PARD3B: variants seen among roughly 807,000 people sequenced by gnomAD.
The protein encoded by PARD3B is par-3 family cell polarity regulator beta.
In PARD3B, 103 loss-of-function variants were observed where a neutral mutation model predicts 130.2. That is an observed-to-expected ratio of 0.79 (90% confidence interval 0.67 to 0.93). The LOEUF is 0.93. PARD3B is among the 40% of genes least tolerant of loss of function. The pLI is 0.00. For synonymous variants in PARD3B, 583 were observed against 553.2 expected, an observed-to-expected ratio of 1.05 and a Z score of -0.76; for missense variants, 1,609 against 1,499.2, an observed-to-expected ratio of 1.07 and a Z score of -1.21.
intron 16 of PARD3B, among the ~76,000 whole-genome samples, chr2:205,251,682 T>TA: frequency 6.6e-6 from 1 of 152,302 alleles, no homozygotes. Context: ...TATGGCCATT[T>TA]AAAAAATATT....
At position 205,301,410 on chromosome 2, in the gene PARD3B, TACTA is replaced by T. The variant is rs199994627; in HGVS notation, c.2393-50_2393-47del. ...TTTTACATGTTAGCGTTTCTCTGTA[TACTA>T]ACTGAGTGTGCCCCTGACCATGGGT... On this transcript the variant is annotated intron_variant, in intron 17 of 22. Coordinates refer to ENST00000406610, the MANE Select transcript of PARD3B (RefSeq NM_001302769.2). The surrounding 1 kb of genome is among the most constrained non-coding windows in gnomAD (Gnocchi z 5.2). The T allele has an allele frequency of 3.5e-4, 541 of 1,567,764 alleles. 7 individuals carry two copies. The East Asian group carries it at 9.5e-3, about 27-fold the overall frequency.
chr2:204,693,304 G>A (rs776024995), intron 2 of PARD3B, among the ~76,000 whole-genome samples: 10 of 151,886 alleles, frequency 6.6e-5, no homozygotes, highest in South Asian at 2.1e-4. Flanking sequence ...GAAATTGGTC[G>A]TCTTGTTTTT....
chr2:205,532,509 C>T (rs1400424060), intron 21 of PARD3B, among the ~76,000 whole-genome samples: 1 of 152,180 alleles, frequency 6.6e-6, no homozygotes, highest in Non-Finnish European at 1.5e-5. Flanking sequence ...TTCAGAGTTG[C>T]TGGAGTGGCA....
At chr2:204,711,129 A>G (rs534623172) in intron 2 of PARD3B, among the ~76,000 whole-genome samples, 1 of 152,344 alleles carries the variant, frequency 6.6e-6, no homozygotes, top group South Asian at 2.1e-4. Flanking sequence ...TTCCTTTAAG[A>G]CTAAAAATTA....
At chr2:205,587,166 T>C (rs1045333554) in intron 22 of PARD3B, among the ~76,000 whole-genome samples, 7 of 152,204 alleles carry the variant, frequency 4.6e-5, no homozygotes, top group African/African-American at 1.4e-4. Flanking sequence ...ATAGAAATCA[T>C]AGGTCTCAAA....
At chr2:204,857,186 A>G (rs960536070) in intron 2 of PARD3B, among the ~76,000 whole-genome samples, 4 of 152,190 alleles carry the variant, frequency 2.6e-5, no homozygotes, top group African/African-American at 9.6e-5. Context: ...AACTTTGAGC[A>G]TCTTTTTTCA....
intron 18 of PARD3B, among the ~76,000 whole-genome samples, chr2:205,388,566 T>G (rs1226496354): frequency 6.6e-6 from 1 of 152,216 alleles, no homozygotes; most frequent in African/African-American, 2.4e-5. Flanking sequence ...GAATTACAGG[T>G]GATTAGAAAA....
At chr2:204,704,527 C>T (rs369243372) in intron 2 of PARD3B, among the ~76,000 whole-genome samples, 114 of 152,194 alleles carry the variant, frequency 7.5e-4, no homozygotes, top group African/African-American at 2.6e-3. Flanking sequence ...GATCATCAAA[C>T]AGTTAAAGGT....
chr2:205,396,000 A>G (rs761911740), intron 18 of PARD3B, among the ~76,000 whole-genome samples: 1 of 152,042 alleles, frequency 6.6e-6, no homozygotes, highest in Non-Finnish European at 1.5e-5. Context: ...TTCCATCTGC[A>G]TCCTGGCGGA....
chr2:204,563,263 CTCTT>C lies in PARD3B; in HGVS notation c.120+17148_120+17151del, dbSNP rs202056756. On this transcript the variant is annotated intron_variant, in intron 1 of 22. Transcript: ENST00000406610. Reference sequence around the variant, plus strand: ...TCTCTCTCTCTCTCTCTCTCTCTCTCTCTTTCTCTCTTCTCCCTTTATAAGGACA... The same window carrying C: ...TCTCTCTCTCTCTCTCTCTCTCTCTCTCTCTCTTCTCCCTTTATAAGGACA... 1.8e-3 allele frequency among the ~76,000 whole-genome samples: 252 copies of C among 139,464 alleles called. 3 individuals carry two copies. Among genetic ancestry groups the C allele is most frequent in the African/African-American group, 5.4e-3 (204 of 37,992 alleles). 91.5% of individuals were successfully genotyped at this position (139,464 alleles called of 152,430 possible).
chr2:205,370,512 G>A (rs2044771584), intron 18 of PARD3B, among the ~76,000 whole-genome samples: 1 of 152,134 alleles, frequency 6.6e-6, no homozygotes, highest in East Asian at 1.9e-4. Context: ...GAGGAAGGCA[G>A]GGATGGCCTG....
chr2:205,162,355 G>A (rs552468101), intron 11 of PARD3B, among the ~76,000 whole-genome samples: 18 of 152,214 alleles, frequency 1.2e-4, no homozygotes, highest in Non-Finnish European at 2.5e-4. Context: ...GTCATACGGA[G>A]CTCTTCATAG....
At chr2:205,104,109 A>G (rs1483454685) in intron 4 of PARD3B, among the ~76,000 whole-genome samples, 1 of 152,118 alleles carries the variant, frequency 6.6e-6, no homozygotes, top group Non-Finnish European at 1.5e-5. Flanking sequence ...CCCCTTTGGT[A>G]TTCTTTTCCT....
chr2:205,582,853 G>A (rs1190460830), intron 22 of PARD3B, among the ~76,000 whole-genome samples: 1 of 152,054 alleles, frequency 6.6e-6, no homozygotes, highest in Non-Finnish European at 1.5e-5. Context: ...AAAAAAAGAA[G>A]GGATGAGGAA....
intron 2 of PARD3B, among the ~76,000 whole-genome samples, chr2:204,790,596 C>T (rs183429433): frequency 6.6e-6 from 1 of 152,262 alleles, no homozygotes; most frequent in Admixed American, 6.5e-5. Flanking sequence ...CACCTGTTCC[C>T]AAAAGCACCA....
intron 3 of PARD3B, among the ~76,000 whole-genome samples, chr2:205,006,773 T>G (rs977790168): frequency 6.6e-6 from 1 of 152,212 alleles, no homozygotes; most frequent in Admixed American, 6.5e-5. Flanking sequence ...GTCTGTTTAC[T>G]CTGCTGATTG....
At chr2:204,996,756 G>A (rs1431347702) in intron 3 of PARD3B, among the ~76,000 whole-genome samples, 4 of 149,416 alleles carry the variant, frequency 2.7e-5, no homozygotes, top group African/African-American at 9.8e-5. Flanking sequence ...AGGACCCTCC[G>A]AGCCAGGTGT....
intron 2 of PARD3B, among the ~76,000 whole-genome samples, chr2:204,740,402 T>C (rs2039960959): frequency 6.6e-6 from 1 of 152,196 alleles, no homozygotes; most frequent in Non-Finnish European, 1.5e-5. Flanking sequence ...ACTTTATTGC[T>C]AGCATGCTTC....
At chr2:204,634,420 C>A (rs756963526) in intron 1 of PARD3B, among the ~76,000 whole-genome samples, 1 of 152,118 alleles carries the variant, frequency 6.6e-6, no homozygotes, top group African/African-American at 2.4e-5. Context: ...GCTTCCAAAT[C>A]TTAGCTATTG....
Sources: allele counts gnomAD v4.1 joint callset (sites outside exome capture counted in the v4.1 genomes callset), GRCh38; gene constraint gnomAD v4.1.1; non-coding constraint Gnocchi (gnomAD v3.1); transcripts MANE v1.5; gene names NCBI Gene and HGNC (gene_info 2026-07-23, HGNC 2026-07-21).